NALCN: variants seen among roughly 807,000 people sequenced by gnomAD.
NALCN encodes the protein sodium leak channel NALCN.
NALCN carries 111 observed loss-of-function variants against 225.3 expected under a neutral mutation model. The observed-to-expected ratio is 0.49, with a 90% CI of 0.42 to 0.58. The LOEUF is 0.58. Ranked by LOEUF, NALCN falls within the 20% of genes least tolerant of loss-of-function variation. NALCN has a pLI of 0.00. For missense variants in NALCN, 1,378 were observed against 2,202.4 expected (o/e 0.63, Z 7.49); for synonymous variants, 764 against 769.0 (o/e 0.99, Z 0.11).
intron 27 of NALCN, among the ~76,000 whole-genome samples, chr13:101,098,927 C>T (rs1435733496): frequency 6.6e-6 from 1 of 151,958 alleles, no homozygotes; most frequent in Non-Finnish European, 1.5e-5. Context: ...CTGAGCCTCG[C>T]ACAGACCTCA....
intron 6 of NALCN, among the ~76,000 whole-genome samples, chr13:101,367,484 C>G (rs1045886765): frequency 1.1e-4 from 16 of 152,022 alleles, no homozygotes; most frequent in African/African-American, 3.6e-4. Context: ...GTGAGCTCCT[C>G]CAGGACATGA....
chr13:101,246,415 C>A (rs1478020308), intron 11 of NALCN, among the ~76,000 whole-genome samples: 12 of 152,246 alleles, frequency 7.9e-5, no homozygotes, highest in Admixed American at 7.8e-4. Flanking sequence ...TCAGTTCAGG[C>A]AATCCCATTC....
At chr13:101,386,451 A>T (rs1409604426) in intron 3 of NALCN, among the ~76,000 whole-genome samples, 1 of 152,194 alleles carries the variant, frequency 6.6e-6, no homozygotes, top group Non-Finnish European at 1.5e-5. Context: ...AGATGAGCTC[A>T]TTGTAAGTGT....
At chr13:101,408,978 A>G (rs1450556579) in intron 1 of NALCN, among the ~76,000 whole-genome samples, 1 of 152,170 alleles carries the variant, frequency 6.6e-6, no homozygotes, top group African/African-American at 2.4e-5. Flanking sequence ...TTAAATCCCA[A>G]AGTAAAACAG....
At chr13:101,167,267 G>A (rs192613369) in intron 15 of NALCN, among the ~76,000 whole-genome samples, 15 of 152,224 alleles carry the variant, frequency 9.9e-5, no homozygotes, top group Admixed American at 3.3e-4. Context: ...GGAATTTTAC[G>A]AAAGATTGCA....
At chr13:101,400,335 T>G (rs962978981) in intron 1 of NALCN, among the ~76,000 whole-genome samples, 1 of 152,026 alleles carries the variant, frequency 6.6e-6, no homozygotes, top group Non-Finnish European at 1.5e-5. Flanking sequence ...TGCAGACTAT[T>G]AGGAGAATTT....
intron 18 of NALCN, among the ~76,000 whole-genome samples, chr13:101,114,391 G>A (rs2035596753): frequency 6.6e-6 from 1 of 151,772 alleles, no homozygotes; most frequent in African/African-American, 2.4e-5. Context: ...CCCGCGTCAT[G>A]GTGGATGTTA....
chr13:101,079,519 C>T (rs1376272718), intron 34 of NALCN, among the ~76,000 whole-genome samples: 2 of 152,136 alleles, frequency 1.3e-5, no homozygotes, highest in East Asian at 1.9e-4. Context: ...GGATGTCTTC[C>T]AAGACCTCTC....
intron 7 of NALCN, among the ~76,000 whole-genome samples, chr13:101,340,041 G>A (rs1005491203): frequency 2.0e-5 from 3 of 150,838 alleles, no homozygotes; most frequent in Non-Finnish European, 4.4e-5. Context: ...GCCGAGGCGG[G>A]TGGATCACGA....
chr13:101,117,039 A>T, intron 18 of NALCN: 1 of 483,612 alleles, frequency 2.1e-6, no homozygotes, highest in South Asian at 1.5e-5. Flanking sequence ...TTTTTATCCT[A>T]GTGGATACCC....
chr13:101,337,564 T>C (rs897457098), intron 7 of NALCN, among the ~76,000 whole-genome samples: 2 of 152,176 alleles, frequency 1.3e-5, no homozygotes. Flanking sequence ...TGCCTCAGCC[T>C]CCCAAAGTGC....
intron 15 of NALCN, among the ~76,000 whole-genome samples, chr13:101,166,663 T>C (rs1314827250): frequency 2.6e-5 from 4 of 152,318 alleles, no homozygotes; most frequent in Middle Eastern, 3.4e-3. Flanking sequence ...TTTGCAAATA[T>C]TTTCTACAAT....
intron 9 of NALCN, among the ~76,000 whole-genome samples, chr13:101,290,289 G>A (rs2043504766): frequency 6.6e-6 from 1 of 152,106 alleles, no homozygotes; most frequent in Admixed American, 6.6e-5. Flanking sequence ...ACATACTATG[G>A]TTTTAAAGGA....
intron 1 of NALCN, among the ~76,000 whole-genome samples, chr13:101,403,156 C>T (rs1366357784): frequency 1.3e-5 from 2 of 152,184 alleles, no homozygotes; most frequent in African/African-American, 4.8e-5. Context: ...CTCATTTGTT[C>T]ATTCATTCAT....
intron 14 of NALCN, 90 bp downstream of exon 14, chr13:101,191,827 A>G (rs2140004216): frequency 7.3e-7 from 1 of 1,378,432 alleles, no homozygotes. Context: ...TTTGGCTCCC[A>G]TTTTGAAATT....
Position 101,354,431 on chromosome 13 carries a change from T to C in NALCN, c.645-9011A>G, listed in dbSNP as rs2045991448. 4.6e-5 allele frequency among the ~76,000 whole-genome samples: 7 copies of C among 152,272 alleles called. No individual in the cohort carries two copies. In the South Asian group the frequency reaches 1.2e-3, roughly 27 times the overall value. On this transcript the variant is annotated intron_variant, in intron 6 of 43. Transcript: ENST00000251127. The stretch of plus-strand genomic sequence containing the variant: ...TGAAATGTGAAACCGTTTGAGGTTA[T>C]AAGGCAGTCCACTGTCTTTGACTTT...
intron 15 of NALCN, among the ~76,000 whole-genome samples, chr13:101,171,668 T>C (rs985335739): frequency 6.6e-6 from 1 of 152,114 alleles, no homozygotes; most frequent in South Asian, 2.1e-4. Context: ...GGAACATGAT[T>C]GTGGGAAGTG....
intron 15 of NALCN, among the ~76,000 whole-genome samples, chr13:101,167,486 A>G (rs2038494103): frequency 6.6e-6 from 1 of 152,200 alleles, no homozygotes; most frequent in Admixed American, 6.5e-5. Flanking sequence ...ATATAATTCC[A>G]TCATAAGTTG....
intron 9 of NALCN, among the ~76,000 whole-genome samples, chr13:101,285,570 G>A (rs1190864339): frequency 1.1e-4 from 16 of 151,956 alleles, no homozygotes; most frequent in Non-Finnish European, 1.5e-5. Context: ...CCTCCTATAT[G>A]TATTTTTAAA....
Sources: gnomAD v4.1 joint callset for allele counts (sites outside exome capture counted in the v4.1 genomes callset) on GRCh38, gnomAD v4.1.1 for gene constraint, MANE v1.5 for transcripts, NCBI Gene and HGNC (gene_info 2026-07-23, HGNC 2026-07-21) for gene names.